Variants in TFAP2E observed in about 807,000 individuals in gnomAD.
The protein encoded by TFAP2E is transcription factor AP-2 epsilon.
A neutral mutation model predicts 37.9 loss-of-function variants in TFAP2E; 30 were observed. The observed-to-expected ratio is 0.79, with a 90% CI of 0.59 to 1.07. The LOEUF is 1.07. Ranked by LOEUF, TFAP2E falls within the 50% of genes least tolerant of loss-of-function variation. The probability of loss-of-function intolerance (pLI) is 0.00; values close to 1 mark genes in which losing one functional copy is unlikely to be tolerated. For missense variants in TFAP2E, 567 were observed against 637.9 expected (o/e 0.89, Z 1.20); for synonymous variants, 318 against 295.8 (o/e 1.08, Z -0.77).
chr1:35,590,313 G>GGT lies in TFAP2E; in HGVS notation c.904+274_904+275dup, dbSNP rs1649621286. ...ATGTGGGTGTGGGTGTGGGTGTGTG[G>GGT]GTGTGTGTGTTGGCGGGGAGTGGCC... On this transcript the variant is annotated intron_variant, in intron 5 of 6. Coordinates refer to ENST00000373235, the MANE Select transcript of TFAP2E (RefSeq NM_178548.4). This position sits in a 1 kb window ranked among gnomAD's most constrained non-coding sequence, Gnocchi z 6.2. 6.6e-6 allele frequency among the ~76,000 whole-genome samples: 1 copy of GGT among 151,888 alleles called. No homozygotes were observed. Among genetic ancestry groups the GGT allele is most frequent in the African/African-American group, 2.4e-5 (1 of 41,282 alleles).
Position 35,589,876 on chromosome 1 carries a change from T to C in TFAP2E, c.786-54T>C. On this transcript the variant is annotated intron_variant, in intron 4 of 6. Transcript: ENST00000373235. ...CCCTTTGGCAGCCACTTAGCTTCCA[T>C]GCGTTTCTCTTGTCTTCATAGTTGT... 3 of 1,589,250 alleles carry C rather than the reference T, an allele frequency of 1.9e-6. No homozygotes were observed. The South Asian group carries it at 3.3e-5, about 18-fold the overall frequency.
intron 4 of TFAP2E, among the ~76,000 whole-genome samples, chr1:35,589,550 C>G (rs1649592435): frequency 6.6e-6 from 1 of 151,798 alleles, no homozygotes; most frequent in Non-Finnish European, 1.5e-5. Flanking sequence ...GTACCTGTGT[C>G]TCCCCATGTG....
intron 3 of TFAP2E, among the ~76,000 whole-genome samples, chr1:35,578,748 G>A (rs1649257519): frequency 6.6e-6 from 1 of 152,130 alleles, no homozygotes; most frequent in Non-Finnish European, 1.5e-5. Flanking sequence ...AGATGAGTGA[G>A]ATACTGACTT....
At chr1:35,579,501 T>G (rs182619082) in intron 3 of TFAP2E, among the ~76,000 whole-genome samples, 1 of 152,146 alleles carries the variant, frequency 6.6e-6, no homozygotes, top group East Asian at 1.9e-4. Context: ...CCTCTCAGAT[T>G]CTCGTACCTC....
Position 35,593,586 on chromosome 1 carries a change from A to C in TFAP2E, c.1047-808A>C, listed in dbSNP as rs531767316. Among the ~76,000 whole-genome samples, 5 of 152,348 alleles carry C rather than the reference A, an allele frequency of 3.3e-5. 1 individual carries two copies. Among genetic ancestry groups the C allele is most frequent in the South Asian group, 4.1e-4 (2 of 4,830 alleles). ...GAAGCACAGACTCCTGGGACTGCCAAATGGAGAGACCTCTGAGGCTGCTCA... is the reference window on the plus strand; with the variant it reads ...GAAGCACAGACTCCTGGGACTGCCACATGGAGAGACCTCTGAGGCTGCTCA... On this transcript the variant is annotated intron_variant, in intron 6 of 6. Coordinates refer to ENST00000373235, the MANE Select transcript of TFAP2E (RefSeq NM_178548.4).
chr1:35,574,087 C>A lies in TFAP2E; in HGVS notation c.188C>A (p.Pro63Gln), dbSNP rs1380516290. ...PYFPPPYPQP[P>Q]LPYGQAPDAA... is the part of the protein sequence containing the mutation. Reference sequence around the variant, plus strand: ...TTCCCGCCGCCCTACCCGCAGCCACCGCTGCCCTACGGTCAGGCGCCCGAC... The same window carrying A: ...TTCCCGCCGCCCTACCCGCAGCCACAGCTGCCCTACGGTCAGGCGCCCGAC... Residue 63 changes from proline to glutamine, a missense_variant, in exon 2 of 7, where the codon CCG becomes CAG. Pro to Gln is a moderately conservative substitution (Grantham distance 76, BLOSUM62 -1). Around this residue, in one of 3 missense-constraint regions of TFAP2E, gnomAD observed 312 missense variants for 317.4 expected, o/e 0.98. Coordinates refer to ENST00000373235, the MANE Select transcript of TFAP2E (RefSeq NM_178548.4). The A allele has an allele frequency of 4.7e-6, 7 of 1,475,836 alleles. No individual in the cohort carries two copies. The highest frequency in any genetic ancestry group is 6.3e-6 in the Non-Finnish European group (7 of 1,117,356). 91.4% of individuals were successfully genotyped at this position (1,475,836 alleles called of 1,614,324 possible).
chr1:35,579,831 A>G (rs1649295003), intron 3 of TFAP2E, among the ~76,000 whole-genome samples: 1 of 152,212 alleles, frequency 6.6e-6, no homozygotes, highest in Non-Finnish European at 1.5e-5. Context: ...AAATGTGCAG[A>G]TGGAGTTTGG....
rs1242910047 is a variant in TFAP2E, at chr1:35,577,619, T to C, written c.562+2619T>C. The stretch of plus-strand genomic sequence containing the variant: ...GTCCTTGGTGCGAAAGGGAGGCAGC[T>C]GCAGCCTCAGCCCCACCCCAGAAGC... On this transcript the variant is annotated intron_variant, in intron 3 of 6. Transcript: ENST00000373235. This position sits in a 1 kb window ranked among gnomAD's most constrained non-coding sequence, Gnocchi z 6.3. The C allele has an allele frequency of 5.7e-6, 2 of 349,936 alleles. No homozygotes were observed. The highest frequency in any genetic ancestry group is 3.6e-5 in the Admixed American group (1 of 27,712). 21.7% of individuals were successfully genotyped at this position (349,936 alleles called of 1,614,324 possible).
chr1:35,587,216 A>G (rs1022712340), intron 3 of TFAP2E, among the ~76,000 whole-genome samples: 2 of 152,214 alleles, frequency 1.3e-5, no homozygotes, highest in African/African-American at 4.8e-5. Flanking sequence ...GAAAAGGCCA[A>G]AGGGTTCCGC....
chr1:35,592,490 T>C (rs1465878330), intron 6 of TFAP2E, among the ~76,000 whole-genome samples: 1 of 152,112 alleles, frequency 6.6e-6, no homozygotes, highest in Non-Finnish European at 1.5e-5. Flanking sequence ...CTCCAGCTCC[T>C]GGGTTCAAGC....
At chr1:35,580,706 C>T (rs1322138915) in intron 3 of TFAP2E, among the ~76,000 whole-genome samples, 3 of 151,736 alleles carry the variant, frequency 2.0e-5, no homozygotes, top group Non-Finnish European at 2.9e-5. Context: ...ACCCGGGAGG[C>T]GGAGCTTGCA....
At chr1:35,584,869 A>T (rs1408713322) in intron 3 of TFAP2E, among the ~76,000 whole-genome samples, 1 of 152,122 alleles carries the variant, frequency 6.6e-6, no homozygotes, top group East Asian at 1.9e-4. Context: ...GTCAAGCTCG[A>T]GGTATAATTT....
At chr1:35,574,920 C>G in intron 2 of TFAP2E, 29 bp from the exon 3 acceptor site, 1 of 1,613,644 alleles carries the variant, frequency 6.2e-7, no homozygotes. Context: ...GCTTTATGCG[C>G]CCTCACCGCT....
In TFAP2E at chr1:35,573,684, C is replaced by G. The variant is rs930371013; in HGVS notation, c.27+80C>G. 1 of 1,501,706 alleles carries G rather than the reference C, an allele frequency of 6.7e-7. No individual in the cohort carries two copies. Among genetic ancestry groups the G allele is most frequent in the Non-Finnish European group, 8.9e-7 (1 of 1,123,214 alleles). The allele number at this position is 1,501,706 out of a possible 1,614,324, so 93.0% of individuals were successfully genotyped here. On this transcript the variant is annotated intron_variant, in intron 1 of 6. Transcript: ENST00000373235. The surrounding 1 kb of genome is among the most constrained non-coding windows in gnomAD (Gnocchi z 5.9). Reference sequence around the variant, plus strand: ...GCTGGACTTTCCAACCCTCCTGTCCCGCGCTAACGAAATCTCGGAGGGAGG... The same window carrying G: ...GCTGGACTTTCCAACCCTCCTGTCCGGCGCTAACGAAATCTCGGAGGGAGG...
Position 35,577,030 on chromosome 1 carries a change from AGCGGG to A in TFAP2E, c.562+2031_562+2035del, listed in dbSNP as rs1649198656. Among the ~76,000 whole-genome samples, 1 of 85,646 alleles carries A rather than the reference AGCGGG, an allele frequency of 1.2e-5. No individual in the cohort carries two copies. The highest frequency in any genetic ancestry group is 4.3e-5 in the African/African-American group (1 of 23,470). 56.2% of individuals were successfully genotyped at this position (85,646 alleles called of 152,430 possible). On this transcript the variant is annotated intron_variant, in intron 3 of 6. Transcript: ENST00000373235. The surrounding 1 kb of genome is among the most constrained non-coding windows in gnomAD (Gnocchi z 6.3). ...CCAGCGCCAGCGGGACCCCAGCGCC[AGCGGG>A]ACCCCAGCGCCAGCGGGTCTGTGGC...
rs1268021453 is a variant in TFAP2E at position 35,577,952 on chromosome 1, A to G, written c.562+2952A>G. Reference sequence around the variant, plus strand: ...CAGTTTTGCAACCTATCCCAGACACACAGAAAGCAAGCAGGACTGGTGGGG... The same window carrying G: ...CAGTTTTGCAACCTATCCCAGACACGCAGAAAGCAAGCAGGACTGGTGGGG... On this transcript the variant is annotated intron_variant, in intron 3 of 6. Coordinates refer to ENST00000373235, the MANE Select transcript of TFAP2E (RefSeq NM_178548.4). The surrounding 1 kb of genome is among the most constrained non-coding windows in gnomAD (Gnocchi z 6.3). Among the ~76,000 whole-genome samples, 4 of 152,158 alleles carry G rather than the reference A, an allele frequency of 2.6e-5. No homozygotes were observed. Among genetic ancestry groups the G allele is most frequent in the Non-Finnish European group, 5.9e-5 (4 of 68,028 alleles).
intron 6 of TFAP2E, among the ~76,000 whole-genome samples, chr1:35,593,022 G>C (rs888090328): frequency 6.6e-6 from 1 of 152,116 alleles, no homozygotes; most frequent in Non-Finnish European, 1.5e-5. Flanking sequence ...AAAAGACAGA[G>C]AGAGGAGGGG....
rs2148556274 is a variant in TFAP2E, at chr1:35,595,020, G to C, written c.*344G>C. Reference sequence around the variant, plus strand: ...GGCTGGGTGGCCGTGGGTGCTTCTAGAGGCCAAAGCCTTTGTGTTTTTCAC... The same window carrying C: ...GGCTGGGTGGCCGTGGGTGCTTCTACAGGCCAAAGCCTTTGTGTTTTTCAC... On this transcript the variant is annotated 3_prime_UTR_variant, in exon 7 of 7. Transcript: ENST00000373235. 1.2e-5 allele frequency: 4 copies of C among 327,474 alleles called. No homozygotes were observed. The South Asian group carries it at 1.3e-4, about 10-fold the overall frequency. The allele number at this position is 327,474 out of a possible 1,614,324, so 20.3% of individuals were successfully genotyped here. A position where few individuals can be genotyped will look rare whatever the true frequency, so the allele number is the denominator to read the frequency against.
intron 3 of TFAP2E, among the ~76,000 whole-genome samples, chr1:35,575,686 G>T (rs775914443): frequency 2.0e-5 from 3 of 152,164 alleles, no homozygotes; most frequent in Non-Finnish European, 4.4e-5. Context: ...TTTGTGAGGT[G>T]TGTCTCTGTA....
Sources: allele counts gnomAD v4.1 joint callset (sites outside exome capture counted in the v4.1 genomes callset), GRCh38; gene constraint gnomAD v4.1.1; regional missense constraint gnomAD v4.1.1; non-coding constraint Gnocchi (gnomAD v3.1); transcripts MANE v1.5; gene names NCBI Gene and HGNC (gene_info 2026-07-23, HGNC 2026-07-21).